Variants in H1-6 observed in about 807,000 individuals in gnomAD.
H1-6 encodes the protein H1.6 linker histone, cluster member, also known as histone H1t.
For missense variants in H1-6, 538 were observed against 246.5 expected (o/e 2.18, Z -7.92); for synonymous variants, 225 against 100.1 (o/e 2.25, Z -7.45).
chr6:26,107,647 G>A lies in H1-6; in HGVS notation c.447C>T (p.Thr149=), dbSNP rs1763278832. ...CTCTCGGCTTCTTGGCTCTCTTATTGGTTTTAGCAGTCTTTGGTGACTTGG... is the reference window on the plus strand; with the variant it reads ...CTCTCGGCTTCTTGGCTCTCTTATTAGTTTTAGCAGTCTTTGGTGACTTGG... ...RDSKSPKTAK[T]NKRAKKPRAT... Residue 149 remains threonine (T), a synonymous_variant, in exon 1 of 1, where the codon ACC becomes ACT. Transcript: ENST00000338379. The A allele has an allele frequency of 1.2e-6, 2 of 1,613,938 alleles. No individual in the cohort carries two copies. Among genetic ancestry groups the A allele is most frequent in the South Asian group, 1.1e-5 (1 of 91,084 alleles).
At position 26,107,904 on chromosome 6, in the gene H1-6, C is replaced by G; in HGVS notation, c.190G>C (p.Val64Leu). Residue 64 changes from valine (V) to leucine (L), a missense_variant, in exon 1 of 1, where the codon GTT becomes CTT. Val to Leu is a conservative substitution (Grantham distance 32, BLOSUM62 1). Transcript: ENST00000338379. ...VSQERVGMSL[V>L]ALKKALAAAG... ...GCGGCCAATGCCTTCTTGAGCGCAACCAAAGACATACCTACTCGTTCCTGT... is the reference window on the plus strand; with the variant it reads ...GCGGCCAATGCCTTCTTGAGCGCAAGCAAAGACATACCTACTCGTTCCTGT... 1 of 1,614,234 alleles carries G rather than the reference C, an allele frequency of 6.2e-7. No homozygotes were observed. Among genetic ancestry groups the G allele is most frequent in the Non-Finnish European group, 8.5e-7 (1 of 1,180,048 alleles).
At position 26,107,896 on chromosome 6, in the gene H1-6, G is replaced by C. The variant is rs749544953; in HGVS notation, c.198C>G (p.Leu66=). The C allele has an allele frequency of 2.5e-6, 4 of 1,614,194 alleles. No homozygotes were observed. In the South Asian group the frequency reaches 3.3e-5, roughly 13 times the overall value. ...QERVGMSLVA[L]KKALAAAGYD... is the part of the protein sequence containing the mutation. Reference sequence around the variant, plus strand: ...AGCCAGCAGCGGCCAATGCCTTCTTGAGCGCAACCAAAGACATACCTACTC... The same window carrying C: ...AGCCAGCAGCGGCCAATGCCTTCTTCAGCGCAACCAAAGACATACCTACTC... The change falls in exon 1 of 1, where the codon CTC becomes CTG. Residue 66 remains leucine (L), a synonymous_variant. Transcript: ENST00000338379.
Position 26,107,671 on chromosome 6 carries a change from G to T in H1-6, c.423C>A (p.Ser141=). The T allele has an allele frequency of 6.2e-7, 1 of 1,614,074 alleles. No individual in the cohort carries two copies. Among genetic ancestry groups the T allele is most frequent in the East Asian group, 2.2e-5 (1 of 44,868 alleles). The part of the protein sequence containing the change: ...KTKKLVLSRD[S]KSPKTAKTNK... ...TGGTTTTAGCAGTCTTTGGTGACTT[G>T]GAGTCCCTGGATAAAACCAGCTTCT... The change falls in exon 1 of 1, where the codon TCC becomes TCA. Residue 141 remains serine (S), a synonymous_variant. Coordinates refer to ENST00000338379, the MANE Select transcript of H1-6 (RefSeq NM_005323.4).
Position 26,107,857 on chromosome 6 carries a change from C to G in H1-6, c.237G>C (p.Lys79Asn). Reference sequence around the variant, plus strand: ...GGGACAGTTTGATGCGGCTGTTATTCTTCTCTACGTCGTAGCCAGCAGCGG... The same window carrying G: ...GGGACAGTTTGATGCGGCTGTTATTGTTCTCTACGTCGTAGCCAGCAGCGG... ...ALAAAGYDVE[K>N]NNSRIKLSLK... The change falls in exon 1 of 1, where the codon AAG becomes AAC. Residue 79 changes from lysine (K) to asparagine (N), a missense_variant. Lys to Asn is a moderately conservative substitution (Grantham distance 94). Coordinates refer to ENST00000338379, the MANE Select transcript of H1-6 (RefSeq NM_005323.4). 1.2e-6 allele frequency: 2 copies of G among 1,614,230 alleles called. No homozygotes were observed. The highest frequency in any genetic ancestry group is 1.7e-6 in the Non-Finnish European group (2 of 1,180,056).
Position 26,107,561 on chromosome 6 carries a change from T to G in H1-6, c.533A>C (p.Gln178Pro). Residue 178 changes from glutamine (Q) to proline (P), a missense_variant, in exon 1 of 1, where the codon CAG becomes CCG. Gln to Pro is a moderately conservative substitution (Grantham distance 76, BLOSUM62 -1). Coordinates refer to ENST00000338379, the MANE Select transcript of H1-6 (RefSeq NM_005323.4). ...CCTTGCCTTCACTGGGCTCTTCTGC[T>G]GTTGCTTACCCTTGGCTCCTTTAGC... ...RKAKGAKGKQ[Q>P]QKSPVKARAS... 1 of 1,614,178 alleles carries G rather than the reference T, an allele frequency of 6.2e-7. No homozygotes were observed. The highest frequency in any genetic ancestry group is 1.3e-5 in the African/African-American group (1 of 75,056).
In H1-6 at chr6:26,107,537, C is replaced by G. The variant is rs540279485; in HGVS notation, c.557G>C (p.Arg186Thr). Residue 186 changes from arginine to threonine, a missense_variant, in exon 1 of 1, where the codon AGG becomes ACG. Arg to Thr is a moderately conservative substitution (Grantham distance 71). Transcript: ENST00000338379. ...KQQQKSPVKA[R>T]ASKSKLTQHH... is the part of the protein sequence containing the mutation. ...TTGGGTCAATTTTGACTTCGAAGCC[C>G]TTGCCTTCACTGGGCTCTTCTGCTG... The G allele has an allele frequency of 1.2e-6, 2 of 1,613,434 alleles. No homozygotes were observed. The highest frequency in any genetic ancestry group is 1.7e-5 in the Admixed American group (1 of 59,852).
In H1-6 at chr6:26,107,885, A is replaced by C. The variant is rs1228337523; in HGVS notation, c.209T>G (p.Leu70Trp). The C allele has an allele frequency of 1.9e-6, 3 of 1,614,102 alleles. No individual in the cohort carries two copies. Among genetic ancestry groups the C allele is most frequent in the Non-Finnish European group, 2.5e-6 (3 of 1,180,058 alleles). Residue 70 changes from leucine to tryptophan, a missense_variant, in exon 1 of 1, where the codon TTG becomes TGG. Leu to Trp is a moderately conservative substitution (Grantham distance 61). Coordinates refer to ENST00000338379, the MANE Select transcript of H1-6 (RefSeq NM_005323.4). The stretch of plus-strand genomic sequence containing the variant: ...CTCTACGTCGTAGCCAGCAGCGGCC[A>C]ATGCCTTCTTGAGCGCAACCAAAGA... ...GMSLVALKKA[L>W]AAAGYDVEKN...
At position 26,107,508 on chromosome 6, in the gene H1-6, G is replaced by A. The variant is rs200191053; in HGVS notation, c.586C>T (p.His196Tyr). The change falls in exon 1 of 1, where the codon CAT (histidine) becomes TAT (tyrosine). Residue 196 changes from histidine to tyrosine, a missense_variant. Transcript: ENST00000338379. ...GTGGCCTTTCTAACATTAACTTCAT[G>A]ATGTTGGGTCAATTTTGACTTCGAA... ...RASKSKLTQH[H>Y]EVNVRKATSK... is the part of the protein sequence containing the mutation. 1 of 1,608,506 alleles carries A rather than the reference G, an allele frequency of 6.2e-7. No individual in the cohort carries two copies. Among genetic ancestry groups the A allele is most frequent in the Non-Finnish European group, 8.5e-7 (1 of 1,178,364 alleles).
chr6:26,107,945 T>G lies in H1-6; in HGVS notation c.149A>C (p.Glu50Ala), dbSNP rs61729268. 3 of 1,614,076 alleles carry G rather than the reference T, an allele frequency of 1.9e-6. No homozygotes were observed. Among genetic ancestry groups the G allele is most frequent in the Non-Finnish European group, 2.5e-6 (3 of 1,180,050 alleles). ...TCGTTCCTGTGACACTGAAAGGGCC[T>G]CGGTGATCAACTTGGACACAGAGAG... The part of the protein sequence containing the change: ...PNLSVSKLIT[E>A]ALSVSQERVG... Residue 50 changes from glutamate (E) to alanine (A), a missense_variant, in exon 1 of 1, where the codon GAG becomes GCG. Physicochemically the swap from Glu to Ala is moderately radical, Grantham distance 107. Transcript: ENST00000338379.
Position 26,108,048 on chromosome 6 carries a change from C to G in H1-6, c.46G>C (p.Ala16Pro). 1.2e-6 allele frequency: 2 copies of G among 1,614,134 alleles called. No homozygotes were observed. Among genetic ancestry groups the G allele is most frequent in the Non-Finnish European group, 8.5e-7 (1 of 1,180,012 alleles). ...TTCTTGGTTGGAAGTTTCTCCATAG[C>G]GGCTACACCAGCACTGGCAGAAGCT... ...PAASASAGVA[A>P]MEKLPTKKRG... is the part of the protein sequence containing the mutation. The change falls in exon 1 of 1, where the codon GCT becomes CCT. Residue 16 changes from alanine to proline, a missense_variant. Ala to Pro is a conservative substitution (Grantham distance 27, BLOSUM62 -1). Transcript: ENST00000338379.
chr6:26,108,108 G>C lies in H1-6; in HGVS notation c.-15C>G, dbSNP rs199696963. On this transcript the variant is annotated 5_prime_UTR_variant, in exon 1 of 1. Transcript: ENST00000338379. Reference sequence around the variant, plus strand: ...GTTTCAGACATAACAACAGAGAAACGCAAGATGTAATAACCAGCGAAAAGC... The same window carrying C: ...GTTTCAGACATAACAACAGAGAAACCCAAGATGTAATAACCAGCGAAAAGC... The C allele has an allele frequency of 3.7e-6, 6 of 1,611,014 alleles. No individual in the cohort carries two copies. The highest frequency in any genetic ancestry group is 1.3e-5 in the African/African-American group (1 of 74,762).
rs1763274131 is a variant in H1-6 at position 26,107,564 on chromosome 6, T to G, written c.530A>C (p.Gln177Pro). Reference sequence around the variant, plus strand: ...TGCCTTCACTGGGCTCTTCTGCTGTTGCTTACCCTTGGCTCCTTTAGCCTT... The same window carrying G: ...TGCCTTCACTGGGCTCTTCTGCTGTGGCTTACCCTTGGCTCCTTTAGCCTT... ...GRKAKGAKGK[Q>P]QQKSPVKARA... Residue 177 changes from glutamine to proline, a missense_variant, in exon 1 of 1, where the codon CAA becomes CCA. By Grantham distance (76) the Gln-to-Pro change is moderately conservative (BLOSUM62 -1). Coordinates refer to ENST00000338379, the MANE Select transcript of H1-6 (RefSeq NM_005323.4). 6.2e-7 allele frequency: 1 copy of G among 1,614,196 alleles called. No homozygotes were observed. Among genetic ancestry groups the G allele is most frequent in the Non-Finnish European group, 8.5e-7 (1 of 1,180,020 alleles).
chr6:26,107,545 C>A lies in H1-6; in HGVS notation c.549G>T (p.Val183=), dbSNP rs1004547727. 1 of 1,613,838 alleles carries A rather than the reference C, an allele frequency of 6.2e-7. No homozygotes were observed. Among genetic ancestry groups the A allele is most frequent in the African/African-American group, 1.3e-5 (1 of 75,018 alleles). Reference sequence around the variant, plus strand: ...ATTTTGACTTCGAAGCCCTTGCCTTCACTGGGCTCTTCTGCTGTTGCTTAC... The same window carrying A: ...ATTTTGACTTCGAAGCCCTTGCCTTAACTGGGCTCTTCTGCTGTTGCTTAC... ...AKGKQQQKSP[V]KARASKSKLT... The change falls in exon 1 of 1, where the codon GTG becomes GTT. Residue 183 remains valine, a synonymous_variant. Coordinates refer to ENST00000338379, the MANE Select transcript of H1-6 (RefSeq NM_005323.4).
At position 26,107,947 on chromosome 6, in the gene H1-6, G is replaced by A. The variant is rs767139424; in HGVS notation, c.147C>T (p.Thr49=). ...VPNLSVSKLI[T]EALSVSQERV... ...GTTCCTGTGACACTGAAAGGGCCTC[G>A]GTGATCAACTTGGACACAGAGAGGT... The change falls in exon 1 of 1, where the codon ACC becomes ACT. Residue 49 remains threonine (T), a synonymous_variant. Coordinates refer to ENST00000338379, the MANE Select transcript of H1-6 (RefSeq NM_005323.4). The A allele has an allele frequency of 1.7e-5, 27 of 1,614,034 alleles. No individual in the cohort carries two copies. The highest frequency in any genetic ancestry group is 2.7e-5 in the African/African-American group (2 of 74,894).
rs190431907 is a variant in H1-6, at chr6:26,108,112, G to C, written c.-19C>G. The C allele has an allele frequency of 8.7e-6, 14 of 1,610,474 alleles. No individual in the cohort carries two copies. The highest frequency in any genetic ancestry group is 8.0e-5 in the African/African-American group (6 of 74,772). ...CAGACATAACAACAGAGAAACGCAA[G>C]ATGTAATAACCAGCGAAAAGCATGA... On this transcript the variant is annotated 5_prime_UTR_variant, in exon 1 of 1. It adds an upstream start codon to the 5' untranslated region. Transcript: ENST00000338379.
rs1004518794 is a variant in H1-6, at chr6:26,108,094, A to G, written c.-1T>C. The G allele has an allele frequency of 7.4e-6, 12 of 1,612,484 alleles. No individual in the cohort carries two copies. The highest frequency in any genetic ancestry group is 1.0e-5 in the Non-Finnish European group (12 of 1,179,392). On this transcript the variant is annotated 5_prime_UTR_variant, in exon 1 of 1. Transcript: ENST00000338379. ...AAGCTGCAGGCACGGTTTCAGACAT[A>G]ACAACAGAGAAACGCAAGATGTAAT...
At position 26,107,938 on chromosome 6, in the gene H1-6, A is replaced by G. The variant is rs779945848; in HGVS notation, c.156T>C (p.Leu52=). ...TACCTACTCGTTCCTGTGACACTGAAAGGGCCTCGGTGATCAACTTGGACA... is the reference window on the plus strand; with the variant it reads ...TACCTACTCGTTCCTGTGACACTGAGAGGGCCTCGGTGATCAACTTGGACA... ...LSVSKLITEA[L]SVSQERVGMS... Residue 52 remains leucine (L), a synonymous_variant, in exon 1 of 1, where the codon CTT becomes CTC. Transcript: ENST00000338379. 11 of 1,614,020 alleles carry G rather than the reference A, an allele frequency of 6.8e-6. No homozygotes were observed. Among genetic ancestry groups the G allele is most frequent in the East Asian group, 2.2e-5 (1 of 44,888 alleles).
rs754485968 is a variant in H1-6, at chr6:26,107,789, C to A, written c.305G>T (p.Gly102Val). 3 of 1,613,750 alleles carry A rather than the reference C, an allele frequency of 1.9e-6. No homozygotes were observed. Among genetic ancestry groups the A allele is most frequent in the Admixed American group, 1.7e-5 (1 of 60,030 alleles). ...VNKGILVQTR[G>V]TGASGSFKLS... ...CTTAAAGGAACCGGAAGCACCAGTA[C>A]CCCTGGTTTGCACCAGGATTCCCTT... Residue 102 changes from glycine to valine, a missense_variant, in exon 1 of 1, where the codon GGT becomes GTT. Gly to Val is a moderately radical substitution (Grantham distance 109). Transcript: ENST00000338379.
In H1-6 at chr6:26,108,015, T is replaced by TA; in HGVS notation, c.78_79insT (p.Arg27Ter). On this transcript the variant is annotated frameshift_variant, in exon 1 of 1. Coordinates refer to ENST00000338379, the MANE Select transcript of H1-6 (RefSeq NM_005323.4). LOFTEE classifies it low-confidence loss of function (END_TRUNC). ...GCACTTATCAAGCCAGCCGGCTTCC[T>TA]CCCTCGCTTCTTGGTTGGAAGTTTC... 6.2e-7 allele frequency: 1 copy of TA among 1,614,184 alleles called. No individual in the cohort carries two copies. Among genetic ancestry groups the TA allele is most frequent in the Non-Finnish European group, 8.5e-7 (1 of 1,180,028 alleles).
Sources: allele counts gnomAD v4.1 joint callset, GRCh38; gene constraint gnomAD v4.1.1; transcripts MANE v1.5; gene names NCBI Gene and HGNC (gene_info 2026-07-23, HGNC 2026-07-21).